The following DAPK1 variants were observed in gnomAD, a reference collection of about 807,000 sequenced individuals.
DAPK1 encodes death-associated protein kinase 1.
Under a neutral mutation model 144.9 loss-of-function variants are expected in DAPK1, and 56 were observed. The ratio of observed to expected loss-of-function variants is 0.39; its 90% confidence interval spans 0.31 to 0.48. The LOEUF (loss-of-function observed/expected upper bound fraction) is 0.48. Among genes scored for constraint, DAPK1 ranks in the 20% least tolerant of loss-of-function variants. The pLI, the probability that DAPK1 is intolerant of heterozygous loss-of-function variation, is 0.95. For synonymous variants in DAPK1, 690 were observed against 749.0 expected (o/e 0.92, Z 1.29); for missense variants, 1,454 against 1,875.4 (o/e 0.78, Z 4.15).
At chr9:87,673,829 T>C (rs1204004547) in intron 19 of DAPK1, among the ~76,000 whole-genome samples, 1 of 152,228 alleles carries the variant, frequency 6.6e-6, no homozygotes, top group African/African-American at 2.4e-5. Context: ...TACCAAAGGT[T>C]GTTGATAGGT....
At chr9:87,572,099 C>T (rs973165362) in intron 2 of DAPK1, among the ~76,000 whole-genome samples, 1 of 152,228 alleles carries the variant, frequency 6.6e-6, no homozygotes, top group African/African-American at 2.4e-5. Flanking sequence ...TCCCATCCCT[C>T]AGTGGTTCTC....
intron 21 of DAPK1, among the ~76,000 whole-genome samples, chr9:87,688,719 A>G (rs1201121928): frequency 6.6e-6 from 1 of 151,958 alleles, no homozygotes; most frequent in African/African-American, 2.4e-5. Flanking sequence ...TCTGTTGGCT[A>G]CTTGTATGTC....
intron 18 of DAPK1, among the ~76,000 whole-genome samples, chr9:87,661,663 G>T (rs760462183): frequency 6.6e-6 from 1 of 152,080 alleles, no homozygotes; most frequent in Non-Finnish European, 1.5e-5. Context: ...TTTTAAGTGG[G>T]ATTATTTTGG....
At chr9:87,650,962 A>T (rs1465667529) in intron 16 of DAPK1, among the ~76,000 whole-genome samples, 1 of 152,198 alleles carries the variant, frequency 6.6e-6, no homozygotes, top group Non-Finnish European at 1.5e-5. Context: ...CTCTCCACCC[A>T]GCTCCTAAAA....
At chr9:87,692,833 G>A (rs1320755287) in intron 21 of DAPK1, among the ~76,000 whole-genome samples, 1 of 151,784 alleles carries the variant, frequency 6.6e-6, no homozygotes, top group Non-Finnish European at 1.5e-5. Context: ...AGTATCCTTG[G>A]CTGACAATTT....
At chr9:87,564,204 T>C (rs1827033325) in intron 2 of DAPK1, among the ~76,000 whole-genome samples, 1 of 152,190 alleles carries the variant, frequency 6.6e-6, no homozygotes, top group South Asian at 2.1e-4. Flanking sequence ...ATTTTCTCTC[T>C]ACTGGCTCTT....
At chr9:87,596,867 G>T (rs1182522895) in intron 2 of DAPK1, among the ~76,000 whole-genome samples, 3 of 152,100 alleles carry the variant, frequency 2.0e-5, no homozygotes, top group Non-Finnish European at 2.9e-5. Flanking sequence ...GTGCTTCTGT[G>T]GGCTGCCTGG....
intron 2 of DAPK1, among the ~76,000 whole-genome samples, chr9:87,525,993 A>AT (rs1304849342): frequency 6.6e-6 from 1 of 151,958 alleles, no homozygotes; most frequent in East Asian, 1.9e-4. Flanking sequence ...TTTCTACTAG[A>AT]TTTTTTGGCT....
At chr9:87,642,378 T>A (rs1316594208) in intron 10 of DAPK1, among the ~76,000 whole-genome samples, 1 of 152,178 alleles carries the variant, frequency 6.6e-6, no homozygotes, top group Non-Finnish European at 1.5e-5. Context: ...TTAAATAAAT[T>A]CATTCTTTGT....
At chr9:87,518,621 C>G (rs1001604020) in intron 2 of DAPK1, among the ~76,000 whole-genome samples, 6 of 152,026 alleles carry the variant, frequency 3.9e-5, no homozygotes, top group African/African-American at 1.4e-4. Flanking sequence ...TAGACTATGC[C>G]AAATGTCTTT....
At chr9:87,656,523 G>GT (rs1830633772) in intron 17 of DAPK1, among the ~76,000 whole-genome samples, 2 of 152,074 alleles carry the variant, frequency 1.3e-5, no homozygotes, top group South Asian at 4.2e-4. Context: ...TCCTTCTCAC[G>GT]TGAACTCTAG....
chr9:87,575,433 A>G (rs901118527), intron 2 of DAPK1, among the ~76,000 whole-genome samples: 1 of 152,054 alleles, frequency 6.6e-6, no homozygotes, highest in Non-Finnish European at 1.5e-5. Context: ...GAAGGAGTGC[A>G]TGGGTCTGTG....
At chr9:87,668,050 G>T (rs919489553) in intron 18 of DAPK1, 6 of 153,372 alleles carry the variant, frequency 3.9e-5, no homozygotes, top group Admixed American at 6.4e-5. Flanking sequence ...GCATAAAAGT[G>T]CTGTGGACTC....
chr9:87,662,916 C>T (rs1211537490), intron 18 of DAPK1, among the ~76,000 whole-genome samples: 3 of 152,032 alleles, frequency 2.0e-5, no homozygotes, highest in Non-Finnish European at 4.4e-5. Context: ...TGTGCCCTCA[C>T]AGCGCATCCT....
intron 3 of DAPK1, chr9:87,632,129 T>C: frequency 1.5e-6 from 1 of 686,652 alleles, no homozygotes. Flanking sequence ...TGTGTATATA[T>C]ATATAAAATA....
At chr9:87,582,936 C>T (rs1354280355) in intron 2 of DAPK1, among the ~76,000 whole-genome samples, 1 of 152,048 alleles carries the variant, frequency 6.6e-6, no homozygotes, top group Non-Finnish European at 1.5e-5. Flanking sequence ...GCAGCAGCAG[C>T]AGCAGCAGTA....
intron 11 of DAPK1, among the ~76,000 whole-genome samples, chr9:87,644,276 C>G (rs1449249176): frequency 1.3e-5 from 2 of 152,016 alleles, no homozygotes; most frequent in Non-Finnish European, 2.9e-5. Context: ...TGGAAGTGTC[C>G]GAATTCAACA....
chr9:87,518,278 ATT>A (rs1188386875), intron 2 of DAPK1, among the ~76,000 whole-genome samples: 9,389 of 124,404 alleles, frequency 0.075, 1,004 homozygotes, highest in African/African-American at 0.25. Context: ...CACCCAGCTA[ATT>A]TTTTTTTTTT....
chr9:87,706,008 G>A lies in DAPK1; in HGVS notation c.3061-124G>A. The A allele has an allele frequency of 7.2e-6, 5 of 697,448 alleles. No individual in the cohort carries two copies. In the South Asian group the frequency reaches 9.2e-5, roughly 13 times the overall value. The allele number at this position is 697,448 out of a possible 1,614,324, so 43.2% of individuals were successfully genotyped here. On this transcript the variant is annotated intron_variant, in intron 25 of 25. Transcript: ENST00000408954. The surrounding 1 kb of genome is among the most constrained non-coding windows in gnomAD (Gnocchi z 9.0). ...GACGCATCCACGTGGAATGGCCTTG[G>A]GTCACTCCTTAGAGCATCTGCTCAG...
Sources: allele counts gnomAD v4.1 joint callset (sites outside exome capture counted in the v4.1 genomes callset), GRCh38; gene constraint gnomAD v4.1.1; non-coding constraint Gnocchi (gnomAD v3.1); transcripts MANE v1.5; gene names NCBI Gene and HGNC (gene_info 2026-07-23, HGNC 2026-07-21).